TMEM132D: variants seen among roughly 807,000 people sequenced by gnomAD.
The protein encoded by TMEM132D is mature OL transmembrane protein.
Under a neutral mutation model 62.3 loss-of-function variants are expected in TMEM132D, and 21 were observed. The ratio of observed to expected loss-of-function variants is 0.34; its 90% CI spans 0.24 to 0.49. The LOEUF (loss-of-function observed/expected upper bound fraction) is 0.49, where lower values mean the gene tolerates loss of function less well. Ranked by LOEUF, TMEM132D falls within the 20% of genes least tolerant of loss-of-function variation. The pLI, the probability that TMEM132D is intolerant of heterozygous loss-of-function variation, is 0.99. For missense variants in TMEM132D, 1,346 were observed against 1,402.8 expected (o/e 0.96, Z 0.65); for synonymous variants, 621 against 575.6 (o/e 1.08, Z -1.13).
intron 3 of TMEM132D, among the ~76,000 whole-genome samples, chr12:129,524,070 G>A (rs1043575667): frequency 1.3e-5 from 2 of 151,886 alleles, no homozygotes; most frequent in South Asian, 2.1e-4. Flanking sequence ...ATCACACACC[G>A]GGGCCTGTCG....
intron 1 of TMEM132D, among the ~76,000 whole-genome samples, chr12:129,862,945 G>C (rs1171563973): frequency 1.3e-5 from 2 of 151,976 alleles, no homozygotes; most frequent in East Asian, 1.9e-4. Flanking sequence ...TGATGGAACT[G>C]AACGGCCCTG....
intron 4 of TMEM132D, among the ~76,000 whole-genome samples, chr12:129,322,278 G>T (rs1868744156): frequency 6.6e-6 from 1 of 151,936 alleles, no homozygotes; most frequent in Admixed American, 6.6e-5. Flanking sequence ...CTTAAATCCT[G>T]GTGATGTAAA....
At chr12:129,476,490 G>T (rs954468454) in intron 3 of TMEM132D, among the ~76,000 whole-genome samples, 4 of 152,194 alleles carry the variant, frequency 2.6e-5, no homozygotes, top group Admixed American at 2.0e-4. Flanking sequence ...TGAGGTCACA[G>T]AATTGCTTGC....
intron 1 of TMEM132D, chr12:129,854,587 T>G (rs893995543): frequency 6.6e-6 from 1 of 152,138 alleles, no homozygotes; most frequent in East Asian, 1.9e-4. Context: ...AACATTGCAA[T>G]GAGAACGGCC....
chr12:129,184,958 G>A (rs1285018563), intron 5 of TMEM132D, among the ~76,000 whole-genome samples: 2 of 152,160 alleles, frequency 1.3e-5, no homozygotes, highest in Non-Finnish European at 2.9e-5. Context: ...CACATGAGAA[G>A]AGAAGGAACT....
At chr12:129,651,923 T>G (rs185674448) in intron 2 of TMEM132D, among the ~76,000 whole-genome samples, 5 of 152,318 alleles carry the variant, frequency 3.3e-5, no homozygotes, top group Admixed American at 6.5e-5. Flanking sequence ...TTTTAGGCTT[T>G]GAATTCCAAA....
intron 2 of TMEM132D, among the ~76,000 whole-genome samples, chr12:129,577,434 ATATT>A (rs920780386): frequency 8.8e-5 from 13 of 148,302 alleles, no homozygotes; most frequent in African/African-American, 3.0e-4. Flanking sequence ...ATATATATCT[ATATT>A]TATATAAATA....
intron 3 of TMEM132D, among the ~76,000 whole-genome samples, chr12:129,341,290 A>G (rs1869472489): frequency 6.6e-6 from 1 of 152,244 alleles, no homozygotes. Flanking sequence ...GATATTCATC[A>G]GAAGGGAATC....
chr12:129,305,598 A>G lies in TMEM132D; in HGVS notation c.1299+32036T>C, dbSNP rs994911007. Among the ~76,000 whole-genome samples, 14 of 152,366 alleles carry G rather than the reference A, an allele frequency of 9.2e-5. No homozygotes were observed. The East Asian group carries it at 1.5e-3, about 17-fold the overall frequency. ...CTTAAAAAAATATATGCCCAGCAAC[A>G]AATAGCTCAAGCAATGTATTGCAAT... On this transcript the variant is annotated intron_variant, in intron 4 of 8. Transcript: ENST00000422113.
chr12:129,806,628 G>A (rs190528054), intron 1 of TMEM132D, among the ~76,000 whole-genome samples: 7,088 of 151,210 alleles, frequency 0.047, 224 homozygotes, highest in Non-Finnish European at 0.069. Flanking sequence ...CACCAGCATG[G>A]CACATGTATA....
chr12:129,086,303 G>A (rs1461297962), intron 5 of TMEM132D, among the ~76,000 whole-genome samples: 1 of 152,142 alleles, frequency 6.6e-6, no homozygotes, highest in African/African-American at 2.4e-5. Flanking sequence ...CATGGATATA[G>A]TGCACAGTGG....
chr12:129,789,939 T>G (rs1341516212), intron 1 of TMEM132D, among the ~76,000 whole-genome samples: 1 of 152,208 alleles, frequency 6.6e-6, no homozygotes, highest in East Asian at 1.9e-4. Flanking sequence ...ACAGAGATTA[T>G]TTTTTGCACT....
At chr12:129,623,676 C>CAT (rs915237119) in intron 2 of TMEM132D, among the ~76,000 whole-genome samples, 3 of 135,460 alleles carry the variant, frequency 2.2e-5, no homozygotes, top group South Asian at 2.5e-4. Flanking sequence ...TATATATACA[C>CAT]ATATATATAC....
At chr12:129,400,587 A>T (rs1280281584) in intron 3 of TMEM132D, among the ~76,000 whole-genome samples, 1 of 152,108 alleles carries the variant, frequency 6.6e-6, no homozygotes, top group Non-Finnish European at 1.5e-5. Context: ...TCACATGGAG[A>T]GCTGCCTGGA....
At chr12:129,768,146 A>G (rs2137280337) in intron 1 of TMEM132D, among the ~76,000 whole-genome samples, 1 of 152,320 alleles carries the variant, frequency 6.6e-6, no homozygotes, top group Middle Eastern at 3.4e-3. Flanking sequence ...AACACAGCCA[A>G]ACCATATCAG....
chr12:129,232,809 TG>T (rs1879677235), intron 4 of TMEM132D, among the ~76,000 whole-genome samples: 1 of 151,612 alleles, frequency 6.6e-6, no homozygotes, highest in Non-Finnish European at 1.5e-5. Context: ...TCTTACATGA[TG>T]GCAGGAGAGA....
chr12:129,821,016 A>T (rs1201892217), intron 1 of TMEM132D, among the ~76,000 whole-genome samples: 4 of 152,062 alleles, frequency 2.6e-5, no homozygotes, highest in Non-Finnish European at 5.9e-5. Flanking sequence ...ACCTCTCTTC[A>T]TTTTCTTCTC....
At chr12:129,243,260 C>G (rs1464821025) in intron 4 of TMEM132D, among the ~76,000 whole-genome samples, 2 of 152,150 alleles carry the variant, frequency 1.3e-5, no homozygotes, top group Admixed American at 6.5e-5. Context: ...AAAGCACTTT[C>G]GTTTCATTAT....
intron 2 of TMEM132D, among the ~76,000 whole-genome samples, chr12:129,545,982 G>A (rs1183916649): frequency 6.6e-6 from 1 of 152,140 alleles, no homozygotes; most frequent in Non-Finnish European, 1.5e-5. Flanking sequence ...GGTGCCTCTT[G>A]GACATCTGCA....
Sources: allele counts gnomAD v4.1 joint callset (sites outside exome capture counted in the v4.1 genomes callset), GRCh38; gene constraint gnomAD v4.1.1; transcripts MANE v1.5; gene names NCBI Gene and HGNC (gene_info 2026-07-23, HGNC 2026-07-21).